MAN1A1: variants seen among roughly 807,000 people sequenced by gnomAD.
MAN1A1 encodes the protein mannosyl-oligosaccharide 1,2-alpha-mannosidase IA.
Under a neutral mutation model 70.8 loss-of-function variants are expected in MAN1A1, and 29 were observed. The observed-to-expected ratio is 0.41, with a 90% CI of 0.31 to 0.56. MAN1A1 has a LOEUF of 0.56. Ranked by LOEUF, MAN1A1 falls within the 20% of genes least tolerant of loss-of-function variation. The probability of loss-of-function intolerance (pLI) is 0.29; values close to 1 mark genes in which losing one functional copy is unlikely to be tolerated. For missense variants in MAN1A1, 747 were observed against 841.3 expected (o/e 0.89, Z 1.39); for synonymous variants, 349 against 330.1 (o/e 1.06, Z -0.62).
chr6:119,230,450 G>A (rs1385572934), intron 6 of MAN1A1, among the ~76,000 whole-genome samples: 1 of 152,090 alleles, frequency 6.6e-6, no homozygotes, highest in Non-Finnish European at 1.5e-5. Context: ...CCATCCTTCA[G>A]CCTCTTGGCC....
At chr6:119,249,426 T>C (rs1225955419) in intron 5 of MAN1A1, among the ~76,000 whole-genome samples, 1 of 152,220 alleles carries the variant, frequency 6.6e-6, no homozygotes, top group Non-Finnish European at 1.5e-5. Context: ...GCTTATTTAC[T>C]GAAGAAAGGC....
intron 5 of MAN1A1, among the ~76,000 whole-genome samples, chr6:119,256,525 C>A (rs549724814): frequency 4.8e-4 from 73 of 150,978 alleles, no homozygotes; most frequent in Admixed American, 3.8e-3. Flanking sequence ...CTGGGAAGAA[C>A]TTCAGGCTGT....
At chr6:119,347,594 G>C (rs534856691) in intron 2 of MAN1A1, among the ~76,000 whole-genome samples, 2 of 152,130 alleles carry the variant, frequency 1.3e-5, no homozygotes, top group African/African-American at 4.8e-5. Flanking sequence ...TTCGGACCTC[G>C]GGCTTCAAGT....
Position 119,193,758 on chromosome 6 carries a change from G to C in MAN1A1, c.1326+19C>G. On this transcript the variant is annotated intron_variant, in intron 9 of 12. Transcript: ENST00000368468. ...TAAGTTAGGGCTGAGTGGCAAAGATGATTTAAATATTGGGTTACCTGAACA... is the reference window on the plus strand; with the variant it reads ...TAAGTTAGGGCTGAGTGGCAAAGATCATTTAAATATTGGGTTACCTGAACA... 1 of 1,551,922 alleles carries C rather than the reference G, an allele frequency of 6.4e-7. No individual in the cohort carries two copies. Among genetic ancestry groups the C allele is most frequent in the Non-Finnish European group, 8.9e-7 (1 of 1,126,316 alleles).
chr6:119,184,908 C>G (rs1427074989), intron 11 of MAN1A1, among the ~76,000 whole-genome samples: 1 of 151,328 alleles, frequency 6.6e-6, no homozygotes, highest in Non-Finnish European at 1.5e-5. Flanking sequence ...TTAAAATTTT[C>G]AAGAGAGTCT....
At chr6:119,315,148 G>A (rs1772814941) in intron 2 of MAN1A1, among the ~76,000 whole-genome samples, 1 of 152,144 alleles carries the variant, frequency 6.6e-6, no homozygotes, top group Non-Finnish European at 1.5e-5. Context: ...ACTGAGTGGA[G>A]AATATATATA....
At chr6:119,267,786 G>T (rs1199573577) in intron 5 of MAN1A1, among the ~76,000 whole-genome samples, 1 of 152,152 alleles carries the variant, frequency 6.6e-6, no homozygotes, top group African/African-American at 2.4e-5. Context: ...AGACAGTCAT[G>T]ATCATTTCAA....
chr6:119,283,001 T>C (rs1776261914), intron 5 of MAN1A1, among the ~76,000 whole-genome samples: 1 of 152,232 alleles, frequency 6.6e-6, no homozygotes, highest in Admixed American at 6.5e-5. Flanking sequence ...TGACCTACTG[T>C]ATTTAGTAAT....
chr6:119,297,365 T>C (rs1772244350), intron 4 of MAN1A1, among the ~76,000 whole-genome samples: 1 of 152,198 alleles, frequency 6.6e-6, no homozygotes, highest in African/African-American at 2.4e-5. Context: ...GCTTAACTTC[T>C]CATTCATTTA....
At chr6:119,216,844 A>G (rs2114963560) in intron 6 of MAN1A1, among the ~76,000 whole-genome samples, 1 of 152,358 alleles carries the variant, frequency 6.6e-6, no homozygotes, top group East Asian at 1.9e-4. Flanking sequence ...AGTATACCAT[A>G]CATGTTGTTG....
intron 11 of MAN1A1, among the ~76,000 whole-genome samples, chr6:119,181,530 AT>A (rs2114923311): frequency 6.6e-6 from 1 of 151,362 alleles, no homozygotes; most frequent in South Asian, 2.1e-4. Flanking sequence ...ATGATCCTAC[AT>A]TTCTGTAGTT....
chr6:119,349,655 C>T lies in MAN1A1; in HGVS notation c.-336G>A. 1.0e-6 allele frequency: 1 copy of T among 985,894 alleles called. No homozygotes were observed. The highest frequency in any genetic ancestry group is 1.2e-6 in the Non-Finnish European group (1 of 830,012). The allele number at this position is 985,894 out of a possible 1,614,324, so 61.1% of individuals were successfully genotyped here. A position where few individuals can be genotyped will look rare whatever the true frequency, so the allele number is the denominator to read the frequency against. ...AGGCTGGGCTGAGCGCGCTGTCCCACGGTCCCGCAGCCCCGGCGCGGCTCA... is the reference window on the plus strand; with the variant it reads ...AGGCTGGGCTGAGCGCGCTGTCCCATGGTCCCGCAGCCCCGGCGCGGCTCA... On this transcript the variant is annotated 5_prime_UTR_variant, in exon 1 of 13. It adds an upstream start codon to the 5' untranslated region. Transcript: ENST00000368468.
At chr6:119,189,937 T>A in intron 9 of MAN1A1, 54 bp from the exon 10 acceptor site, 1 of 1,326,296 alleles carries the variant, frequency 7.5e-7, no homozygotes, top group Non-Finnish European at 1.1e-6. Flanking sequence ...AAATTTATAC[T>A]AAAAATATGC....
At chr6:119,210,586 T>A (rs1225855143) in intron 6 of MAN1A1, among the ~76,000 whole-genome samples, 2 of 152,230 alleles carry the variant, frequency 1.3e-5, no homozygotes, top group African/African-American at 4.8e-5. Context: ...ATATTCCGAT[T>A]TATTTAAACT....
At chr6:119,195,596 C>G (rs567150026) in intron 8 of MAN1A1, among the ~76,000 whole-genome samples, 2 of 152,288 alleles carry the variant, frequency 1.3e-5, no homozygotes, top group African/African-American at 4.8e-5. Flanking sequence ...GTCTCCTCCA[C>G]AAGATTATGA....
chr6:119,198,707 T>C (rs180704271), intron 8 of MAN1A1, among the ~76,000 whole-genome samples: 7 of 152,330 alleles, frequency 4.6e-5, no homozygotes, highest in Admixed American at 2.6e-4. Context: ...TATCTCTTTC[T>C]TGTTTGCCTT....
At position 119,197,279 on chromosome 6, in the gene MAN1A1, G is replaced by A. The variant is rs115185908; in HGVS notation, c.1211-3387C>T. Among the ~76,000 whole-genome samples, 416 of 151,288 alleles carry A rather than the reference G, an allele frequency of 2.7e-3. 2 individuals carry two copies. The highest frequency in any genetic ancestry group is 9.3e-3 in the African/African-American group (383 of 41,158). On this transcript the variant is annotated intron_variant, in intron 8 of 12. Transcript: ENST00000368468. ...ACTGCACCACTGCACACTACCCTGGGCGACAAAGTAAGACTCCGTCTCCAA... is the reference window on the plus strand; with the variant it reads ...ACTGCACCACTGCACACTACCCTGGACGACAAAGTAAGACTCCGTCTCCAA...
At chr6:119,220,750 T>C (rs1013246428) in intron 6 of MAN1A1, among the ~76,000 whole-genome samples, 3 of 152,202 alleles carry the variant, frequency 2.0e-5, no homozygotes, top group African/African-American at 7.2e-5. Flanking sequence ...TTTTTTCAGA[T>C]ACTACAGGAT....
chr6:119,269,465 C>A (rs556208630), intron 5 of MAN1A1: 5 of 170,004 alleles, frequency 2.9e-5, no homozygotes, highest in Admixed American at 1.3e-4. Flanking sequence ...CTTGGTCTTG[C>A]GAAGCAGCAT....
Sources: gnomAD v4.1 joint callset for allele counts (sites outside exome capture counted in the v4.1 genomes callset) on GRCh38, gnomAD v4.1.1 for gene constraint, MANE v1.5 for transcripts, NCBI Gene and HGNC (gene_info 2026-07-23, HGNC 2026-07-21) for gene names.